Variants in FAP observed in about 807,000 individuals in gnomAD.
FAP encodes fibroblast activation protein alpha, also known as prolyl endopeptidase FAP.
FAP carries 110 observed loss-of-function variants against 126.5 expected under a neutral mutation model. The observed-to-expected ratio is 0.87, with a 90% CI of 0.74 to 1.02. The LOEUF is 1.02. FAP is among the 50% of genes least tolerant of loss of function. FAP has a pLI of 0.00. For missense variants in FAP, 919 were observed against 909.2 expected, an observed-to-expected ratio of 1.01 and a Z score of -0.14; for synonymous variants, 334 against 297.3, an observed-to-expected ratio of 1.12 and a Z score of -1.27.
At chr2:162,238,845 A>G (rs1470866605) in intron 2 of FAP, among the ~76,000 whole-genome samples, 1 of 152,188 alleles carries the variant, frequency 6.6e-6, no homozygotes, top group African/African-American at 2.4e-5. Flanking sequence ...ACTAATAATA[A>G]CAACAACAAC....
chr2:162,206,474 C>T (rs1559778072), intron 12 of FAP, among the ~76,000 whole-genome samples: 1 of 152,192 alleles, frequency 6.6e-6, no homozygotes, highest in African/African-American at 2.4e-5. Context: ...AAACTGAGTG[C>T]ACATTCGGTC....
intron 16 of FAP, among the ~76,000 whole-genome samples, chr2:162,195,758 C>A (rs1189954796): frequency 6.6e-6 from 1 of 152,076 alleles, no homozygotes; most frequent in Non-Finnish European, 1.5e-5. Context: ...AATACAGGAT[C>A]AAATAATGTC....
At chr2:162,241,110 G>A (rs1690328466) in intron 2 of FAP, among the ~76,000 whole-genome samples, 1 of 152,084 alleles carries the variant, frequency 6.6e-6, no homozygotes, top group Admixed American at 6.5e-5. Flanking sequence ...ATGATATAAT[G>A]AACCAAAAAA....
chr2:162,202,991 C>T (rs1688554379), intron 13 of FAP, 49 bp from the exon 14 acceptor site: 2 of 1,591,932 alleles, frequency 1.3e-6, no homozygotes, highest in African/African-American at 2.7e-5. Context: ...GTTATTTGAG[C>T]AACCTCAAGT....
intron 16 of FAP, among the ~76,000 whole-genome samples, chr2:162,196,015 A>G (rs1046306431): frequency 6.6e-5 from 10 of 152,154 alleles, no homozygotes; most frequent in African/African-American, 1.9e-4. Context: ...TTCTTCTGGC[A>G]TCTTTCTGCC....
chr2:162,174,205 A>G (rs1384821496), intron 22 of FAP, among the ~76,000 whole-genome samples: 1 of 152,078 alleles, frequency 6.6e-6, no homozygotes, highest in African/African-American at 2.4e-5. Flanking sequence ...TGTCCCTCAA[A>G]TCTATTCCCC....
At chr2:162,222,749 G>C (rs1178587841) in intron 6 of FAP, among the ~76,000 whole-genome samples, 1 of 152,136 alleles carries the variant, frequency 6.6e-6, no homozygotes, top group Non-Finnish European at 1.5e-5. Context: ...CAGAAAGAAA[G>C]ATCTAAACTC....
intron 12 of FAP, among the ~76,000 whole-genome samples, chr2:162,204,395 C>T (rs547337666): frequency 1.0e-3 from 157 of 152,208 alleles, no homozygotes; most frequent in Non-Finnish European, 1.9e-3. Flanking sequence ...CAGAATGTGA[C>T]CCTTTTGGAA....
At chr2:162,212,135 G>A (rs920161181) in intron 11 of FAP, among the ~76,000 whole-genome samples, 1 of 152,164 alleles carries the variant, frequency 6.6e-6, no homozygotes, top group African/African-American at 2.4e-5. Flanking sequence ...CATTGAATGA[G>A]CATCTTAAAT....
At chr2:162,173,115 AT>A in intron 24 of FAP, 33 bp downstream of exon 24, 1 of 1,574,952 alleles carries the variant, frequency 6.3e-7, no homozygotes, top group Non-Finnish European at 8.7e-7. Context: ...CTGGCTCAGT[AT>A]TTTTATGTGT....
In FAP at chr2:162,188,160, G is replaced by C; in HGVS notation, c.1814+9C>G. On this transcript the variant is annotated intron_variant, in intron 20 of 25. Coordinates refer to ENST00000188790, the MANE Select transcript of FAP (RefSeq NM_004460.5). ...ATGTTGACATCTGCTTGAATGAGAA[G>C]GTGCTCACCTGACAGCTGTAATCTG... is the stretch of plus-strand genomic sequence containing the variant. 1.2e-6 allele frequency: 2 copies of C among 1,607,212 alleles called. No individual in the cohort carries two copies. The highest frequency in any genetic ancestry group is 2.2e-5 in the South Asian group (2 of 90,550).
chr2:162,192,524 C>T (rs1200426300), intron 17 of FAP, among the ~76,000 whole-genome samples: 1 of 152,122 alleles, frequency 6.6e-6, no homozygotes, highest in East Asian at 1.9e-4. Context: ...GGCTCACTCC[C>T]CACTAACCCT....
At position 162,209,720 on chromosome 2, in the gene FAP, C is replaced by G. The variant is rs994061733; in HGVS notation, c.1047+232G>C. The G allele has an allele frequency of 4.0e-5, 19 of 473,404 alleles. No individual in the cohort carries two copies. In the Admixed American group the frequency reaches 5.6e-4, roughly 14 times the overall value. The allele number at this position is 473,404 out of a possible 1,614,324, so 29.3% of individuals were successfully genotyped here. A position where few individuals can be genotyped will look rare whatever the true frequency, so the allele number is the denominator to read the frequency against. ...AGATACCAAGGATTCAGTTGACAAA[C>G]TTAAAATTGGGACATGAGGAGTATG... On this transcript the variant is annotated intron_variant, in intron 12 of 25. Coordinates refer to ENST00000188790, the MANE Select transcript of FAP (RefSeq NM_004460.5).
At chr2:162,212,822 AT>A (rs1180227737) in intron 11 of FAP, among the ~76,000 whole-genome samples, 1 of 152,206 alleles carries the variant, frequency 6.6e-6, no homozygotes, top group Non-Finnish European at 1.5e-5. Flanking sequence ...TTAGATTCTA[AT>A]GTGAGTAATT....
At chr2:162,187,532 C>T (rs551657662) in intron 20 of FAP, among the ~76,000 whole-genome samples, 1 of 152,102 alleles carries the variant, frequency 6.6e-6, no homozygotes, top group Non-Finnish European at 1.5e-5. Context: ...AGTCCTGTTT[C>T]AGGAAAAGAT....
chr2:162,241,362 T>C (rs1308419567), intron 2 of FAP, among the ~76,000 whole-genome samples: 2 of 152,210 alleles, frequency 1.3e-5, no homozygotes, highest in Non-Finnish European at 2.9e-5. Context: ...AGGGTAGGGA[T>C]TGAGATTATA....
intron 1 of FAP, 59 bp downstream of exon 1, chr2:162,243,263 T>A (rs78311905): frequency 7.8e-7 from 1 of 1,289,590 alleles, no homozygotes. Context: ...AAAACTCTGA[T>A]CACGTTCAAT....
intron 2 of FAP, among the ~76,000 whole-genome samples, chr2:162,241,314 T>A (rs955622876): frequency 6.6e-6 from 1 of 152,244 alleles, no homozygotes; most frequent in South Asian, 2.1e-4. Flanking sequence ...TTACGACGTA[T>A]ATTTATATGT....
intron 8 of FAP, among the ~76,000 whole-genome samples, chr2:162,218,821 G>A (rs1689265327): frequency 6.6e-6 from 1 of 151,710 alleles, no homozygotes; most frequent in South Asian, 2.1e-4. Flanking sequence ...ATACTTTTTT[G>A]GATTATAAAT....
Sources: allele counts gnomAD v4.1 joint callset (sites outside exome capture counted in the v4.1 genomes callset), GRCh38; gene constraint gnomAD v4.1.1; transcripts MANE v1.5; gene names NCBI Gene and HGNC (gene_info 2026-07-23, HGNC 2026-07-21).